MSI2: variants seen among roughly 807,000 people sequenced by gnomAD.
The protein encoded by MSI2 is RNA-binding protein Musashi homolog 2.
Under a neutral mutation model 45.6 loss-of-function variants are expected in MSI2, and 17 were observed. The observed-to-expected ratio is 0.37, with a 90% CI of 0.26 to 0.56. The LOEUF is 0.56. Ranked by LOEUF, MSI2 falls within the 20% of genes least tolerant of loss-of-function variation. The pLI is 0.77. For synonymous variants in MSI2, 156 were observed against 158.2 expected (o/e 0.99, Z 0.11); for missense variants, 293 against 444.2 (o/e 0.66, Z 3.06).
intron 10 of MSI2, among the ~76,000 whole-genome samples, chr17:57,634,398 G>A (rs1344368753): frequency 4.6e-5 from 7 of 152,144 alleles, no homozygotes; most frequent in Middle Eastern, 3.4e-3. Flanking sequence ...CCTGGGAGGC[G>A]GAGGTTGCAG....
intron 6 of MSI2, among the ~76,000 whole-genome samples, chr17:57,508,062 G>A (rs898931438): frequency 1.3e-5 from 2 of 152,224 alleles, no homozygotes; most frequent in Non-Finnish European, 2.9e-5. Flanking sequence ...CTACTTCAGA[G>A]CGCAGCAGCA....
At chr17:57,475,759 G>A (rs1373770661) in intron 6 of MSI2, among the ~76,000 whole-genome samples, 1 of 151,834 alleles carries the variant, frequency 6.6e-6, no homozygotes, top group Non-Finnish European at 1.5e-5. Context: ...GAGCTAGTGA[G>A]AAAAGAGTGT....
intron 5 of MSI2, among the ~76,000 whole-genome samples, chr17:57,330,289 C>A (rs1012091427): frequency 2.8e-5 from 4 of 142,690 alleles, no homozygotes; most frequent in African/African-American, 1.0e-4. Flanking sequence ...TCTTTTTTTT[C>A]TTTTTTTTTT....
rs1267142273 is a variant in MSI2 at position 57,563,777 on chromosome 17, CACACACAT to C, written c.455-33089_455-33082del. 6.4e-3 allele frequency among the ~76,000 whole-genome samples: 965 copies of C among 150,746 alleles called. 15 individuals carry two copies. The highest frequency in any genetic ancestry group is 0.023 in the African/African-American group (919 of 40,666). ...ACACACACACACACACACACACACACACACACATAGGCCTCTGTACAGATGGACCCTGC... is the reference window on the plus strand; with the variant it reads ...ACACACACACACACACACACACACACAGGCCTCTGTACAGATGGACCCTGC... On this transcript the variant is annotated intron_variant, in intron 7 of 13. Coordinates refer to ENST00000284073, the MANE Select transcript of MSI2 (RefSeq NM_138962.4).
intron 8 of MSI2, among the ~76,000 whole-genome samples, chr17:57,602,916 C>T (rs1478376701): frequency 1.3e-5 from 2 of 152,176 alleles, no homozygotes; most frequent in African/African-American, 2.4e-5. Flanking sequence ...CAGTGATTGG[C>T]GTGCACATTA....
At chr17:57,258,595 G>C (rs1027918848) in intron 4 of MSI2, among the ~76,000 whole-genome samples, 32 of 152,294 alleles carry the variant, frequency 2.1e-4, no homozygotes, top group African/African-American at 7.5e-4. Flanking sequence ...GAGAGGGTTC[G>C]GCTCCTGGAG....
At chr17:57,650,378 C>T (rs1006627391) in intron 10 of MSI2, among the ~76,000 whole-genome samples, 1 of 152,212 alleles carries the variant, frequency 6.6e-6, no homozygotes, top group Non-Finnish European at 1.5e-5. Flanking sequence ...GGGGTTGGGA[C>T]AGAGAGAAAT....
intron 7 of MSI2, among the ~76,000 whole-genome samples, chr17:57,557,241 A>G (rs1401620974): frequency 1.3e-5 from 2 of 152,172 alleles, no homozygotes; most frequent in East Asian, 1.9e-4. Context: ...AGGCAACCAG[A>G]TGGGAGGTGG....
intron 8 of MSI2, among the ~76,000 whole-genome samples, chr17:57,607,656 G>A (rs1053659087): frequency 2.0e-5 from 3 of 152,170 alleles, no homozygotes; most frequent in South Asian, 2.1e-4. Context: ...GGCCGTTCTC[G>A]CGTTGCTATA....
chr17:57,291,289 T>G (rs1162242821), intron 5 of MSI2, among the ~76,000 whole-genome samples: 1 of 152,208 alleles, frequency 6.6e-6, no homozygotes, highest in Admixed American at 6.5e-5. Context: ...CTTTTCGCTG[T>G]GTACATGTGT....
intron 6 of MSI2, among the ~76,000 whole-genome samples, chr17:57,439,838 GC>G (rs1178827909): frequency 2.0e-5 from 3 of 152,180 alleles, no homozygotes; most frequent in African/African-American, 7.2e-5. Flanking sequence ...TTAGCGGATG[GC>G]CCGAAGTCTT....
intron 5 of MSI2, among the ~76,000 whole-genome samples, chr17:57,395,898 G>A (rs969598429): frequency 5.9e-5 from 9 of 152,152 alleles, no homozygotes; most frequent in East Asian, 5.8e-4. Flanking sequence ...ACTAGCATGC[G>A]AGTCATCTCA....
At chr17:57,653,111 T>TG (rs1468295254) in intron 11 of MSI2, among the ~76,000 whole-genome samples, 3 of 142,416 alleles carry the variant, frequency 2.1e-5, no homozygotes, top group Non-Finnish European at 3.1e-5. Context: ...CTGGGCAGGG[T>TG]GGGGGGCTGG....
At chr17:57,582,015 G>T (rs1285076871) in intron 7 of MSI2, among the ~76,000 whole-genome samples, 2 of 152,170 alleles carry the variant, frequency 1.3e-5, no homozygotes, top group South Asian at 2.1e-4. Context: ...ATGCCTCTCA[G>T]CACTGTGTGC....
At chr17:57,445,326 A>G (rs1179100883) in intron 6 of MSI2, among the ~76,000 whole-genome samples, 1 of 152,200 alleles carries the variant, frequency 6.6e-6, no homozygotes, top group Non-Finnish European at 1.5e-5. Flanking sequence ...CAAGCCTTTT[A>G]TGTGACATTG....
intron 5 of MSI2, among the ~76,000 whole-genome samples, chr17:57,290,434 C>A (rs746478219): frequency 1.3e-5 from 2 of 152,184 alleles, no homozygotes; most frequent in Non-Finnish European, 2.9e-5. Context: ...CTCAGCCTCC[C>A]AAGTATTGGC....
intron 5 of MSI2, among the ~76,000 whole-genome samples, chr17:57,330,657 C>G (rs1215337383): frequency 1.3e-5 from 2 of 152,066 alleles, no homozygotes; most frequent in Non-Finnish European, 2.9e-5. Flanking sequence ...TCAGGCGTTC[C>G]GCATCCATAG....
intron 7 of MSI2, among the ~76,000 whole-genome samples, chr17:57,580,585 G>T (rs1383272543): frequency 2.6e-5 from 4 of 152,182 alleles, no homozygotes; most frequent in Non-Finnish European, 2.9e-5. Context: ...AAAATTGGGA[G>T]TGCCACCATC....
chr17:57,277,388 C>T lies in MSI2; in HGVS notation c.312+15196C>T, dbSNP rs895091990. Among the ~76,000 whole-genome samples the T allele has an allele frequency of 5.3e-5, 8 of 152,084 alleles. 1 individual carries two copies. Among genetic ancestry groups the T allele is most frequent in the South Asian group, 4.1e-4 (2 of 4,822 alleles). ...TTCTTTTTGACAGGGTGGTTTGGGTCGTGAGGGAGTATGGCAGACCATGGG... is the reference window on the plus strand; with the variant it reads ...TTCTTTTTGACAGGGTGGTTTGGGTTGTGAGGGAGTATGGCAGACCATGGG... On this transcript the variant is annotated intron_variant, in intron 5 of 13. Coordinates refer to ENST00000284073, the MANE Select transcript of MSI2 (RefSeq NM_138962.4).
Sources: gnomAD v4.1 joint callset for allele counts (sites outside exome capture counted in the v4.1 genomes callset) on GRCh38, gnomAD v4.1.1 for gene constraint, MANE v1.5 for transcripts, NCBI Gene and HGNC (gene_info 2026-07-23, HGNC 2026-07-21) for gene names.